PPP3CC: variants seen among roughly 807,000 people sequenced by gnomAD.
PPP3CC encodes protein phosphatase 3 catalytic subunit gamma, also known as serine/threonine-protein phosphatase 2B catalytic subunit gamma isoform.
A neutral mutation model predicts 60.3 loss-of-function variants in PPP3CC; 35 were observed. The ratio of observed to expected loss-of-function variants is 0.58; its 90% CI spans 0.44 to 0.77. The LOEUF (loss-of-function observed/expected upper bound fraction) is 0.77, where lower values mean the gene tolerates loss of function less well. PPP3CC is among the 30% of genes least tolerant of loss of function. PPP3CC has a pLI of 0.00. For missense variants in PPP3CC, 570 were observed against 628.9 expected (o/e 0.91, Z 1.00); for synonymous variants, 206 against 224.3 (o/e 0.92, Z 0.73).
At chr8:22,487,183 C>T (rs1399731454) in intron 3 of PPP3CC, among the ~76,000 whole-genome samples, 1 of 152,174 alleles carries the variant, frequency 6.6e-6, no homozygotes, top group East Asian at 1.9e-4. Flanking sequence ...TCTGTGATGG[C>T]ATTTCAGATA....
At chr8:22,460,614 G>A (rs1161878003) in intron 1 of PPP3CC, among the ~76,000 whole-genome samples, 13 of 151,582 alleles carry the variant, frequency 8.6e-5, no homozygotes, top group Non-Finnish European at 1.9e-4. Context: ...GAAGCCAGGA[G>A]TTTGAGACCA....
chr8:22,441,483 C>G lies in PPP3CC; in HGVS notation c.49+25C>G. On this transcript the variant is annotated intron_variant, in intron 1 of 13. Transcript: ENST00000240139. ...GGTGCCTGGCGGGCCGGGCCTTCCT[C>G]TGGGACCCGCGGGAAACGGCCTTCG... 4 of 1,520,800 alleles carry G rather than the reference C, an allele frequency of 2.6e-6. No individual in the cohort carries two copies. In the South Asian group the frequency reaches 3.7e-5, roughly 14 times the overall value. 94.2% of individuals were successfully genotyped at this position (1,520,800 alleles called of 1,614,324 possible).
chr8:22,511,171 G>A lies in PPP3CC; in HGVS notation c.570G>A (p.Gln190=). ...CLPLAALLNQ[Q]FLCVHGGMSP... The stretch of plus-strand genomic sequence containing the variant: ...CTCTTGCTGCCCTCTTAAACCAGCA[G>A]TTTCTCTGTGTACATGGAGGAATGT... Residue 190 remains glutamine (Q), a synonymous_variant, in exon 5 of 14, where the codon CAG becomes CAA. Coordinates refer to ENST00000240139, the MANE Select transcript of PPP3CC (RefSeq NM_005605.5). 1.9e-6 allele frequency: 3 copies of A among 1,613,772 alleles called. No homozygotes were observed. The highest frequency in any genetic ancestry group is 2.5e-6 in the Non-Finnish European group (3 of 1,179,656).
chr8:22,493,621 G>T (rs573479042), intron 3 of PPP3CC, among the ~76,000 whole-genome samples: 3 of 152,062 alleles, frequency 2.0e-5, no homozygotes, highest in South Asian at 2.1e-4. Context: ...GCCTACAGAG[G>T]GTCAGGATCA....
chr8:22,469,407 A>G (rs944091410), intron 1 of PPP3CC, among the ~76,000 whole-genome samples: 5 of 152,152 alleles, frequency 3.3e-5, no homozygotes, highest in African/African-American at 1.2e-4. Context: ...AGATAGGAGT[A>G]GATTCAATGT....
chr8:22,515,777 T>C (rs991140289), intron 6 of PPP3CC, among the ~76,000 whole-genome samples: 4 of 152,212 alleles, frequency 2.6e-5, no homozygotes, highest in African/African-American at 9.7e-5. Context: ...TTTTAAGAAA[T>C]GTCTATTCAG....
intron 6 of PPP3CC, among the ~76,000 whole-genome samples, chr8:22,515,641 G>A (rs1839223993): frequency 6.6e-6 from 1 of 152,106 alleles, no homozygotes. Flanking sequence ...GTCATTGCCT[G>A]TCTTTTGGAT....
Position 22,522,554 on chromosome 8 carries a change from A to C in PPP3CC, c.834A>C (p.Glu278Asp), listed in dbSNP as rs1839436419. ...NNLLSIIRAH[E>D]AQDAGYRMYR... Reference sequence around the variant, plus strand: ...TACTATCAATTATCAGAGCCCATGAAGCCCAAGATGCTGGGTAAGTTACAT... The same window carrying C: ...TACTATCAATTATCAGAGCCCATGACGCCCAAGATGCTGGGTAAGTTACAT... The change falls in exon 7 of 14, where the codon GAA becomes GAC. Residue 278 changes from glutamate to aspartate, a missense_variant. Transcript: ENST00000240139. The C allele has an allele frequency of 6.2e-7, 1 of 1,612,166 alleles. No individual in the cohort carries two copies. Among genetic ancestry groups the C allele is most frequent in the Admixed American group, 1.7e-5 (1 of 59,844 alleles).
At chr8:22,540,495 T>C in intron 13 of PPP3CC, 120 bp from the exon 14 acceptor site, 1 of 979,228 alleles carries the variant, frequency 1.0e-6, no homozygotes, top group Non-Finnish European at 1.5e-6. Flanking sequence ...AGACGTGTGC[T>C]CCATAGCCAC....
At chr8:22,456,426 A>AT (rs1194755464) in intron 1 of PPP3CC, among the ~76,000 whole-genome samples, 1 of 152,154 alleles carries the variant, frequency 6.6e-6, no homozygotes, top group Non-Finnish European at 1.5e-5. Context: ...TTTTATTTTG[A>AT]TAATTATAGA....
chr8:22,510,635 C>A (rs1194426226), intron 4 of PPP3CC, among the ~76,000 whole-genome samples: 2 of 152,202 alleles, frequency 1.3e-5, no homozygotes, highest in Non-Finnish European at 2.9e-5. Context: ...CTTGCCCCCT[C>A]CCATCTTCTC....
chr8:22,451,282 C>G (rs1465300868), intron 1 of PPP3CC, among the ~76,000 whole-genome samples: 1 of 152,050 alleles, frequency 6.6e-6, no homozygotes, highest in African/African-American at 2.4e-5. Flanking sequence ...ATTACAGGTG[C>G]ATGCCACCAC....
At chr8:22,449,079 C>G (rs572153901) in intron 1 of PPP3CC, among the ~76,000 whole-genome samples, 1 of 151,988 alleles carries the variant, frequency 6.6e-6, no homozygotes, top group South Asian at 2.1e-4. Context: ...CTACTGTGTT[C>G]CAGCTTGGGT....
rs1838143372 is a variant in PPP3CC at position 22,483,830 on chromosome 8, TA to T, written c.372+8207del. 2.0e-5 allele frequency among the ~76,000 whole-genome samples: 3 copies of T among 152,220 alleles called. No individual in the cohort carries two copies. In the South Asian group the frequency reaches 6.2e-4, roughly 32 times the overall value. Reference sequence around the variant, plus strand: ...TCAATAAAGGACACATTTTAATGCCTATCTTGTAATTAAAAAAAATTTTTTT... The same window carrying T: ...TCAATAAAGGACACATTTTAATGCCTTCTTGTAATTAAAAAAAATTTTTTT... On this transcript the variant is annotated intron_variant, in intron 3 of 13. Transcript: ENST00000240139.
intron 1 of PPP3CC, among the ~76,000 whole-genome samples, chr8:22,471,693 G>T (rs1242386478): frequency 1.3e-5 from 2 of 152,122 alleles, no homozygotes; most frequent in Non-Finnish European, 2.9e-5. Flanking sequence ...CATGAATGGG[G>T]CTTACAGGAC....
chr8:22,482,083 G>T (rs908306128), intron 3 of PPP3CC, among the ~76,000 whole-genome samples: 1 of 152,068 alleles, frequency 6.6e-6, no homozygotes, highest in Admixed American at 6.6e-5. Context: ...TGGTATTTCT[G>T]GTTCTAATCC....
chr8:22,455,562 A>G (rs1837171643), intron 1 of PPP3CC, among the ~76,000 whole-genome samples: 1 of 152,176 alleles, frequency 6.6e-6, no homozygotes, highest in Non-Finnish European at 1.5e-5. Context: ...AGTAATAAAG[A>G]TAGTTGGTGG....
chr8:22,505,246 C>T (rs1403615239), intron 4 of PPP3CC, among the ~76,000 whole-genome samples: 1 of 151,958 alleles, frequency 6.6e-6, no homozygotes, highest in Non-Finnish European at 1.5e-5. Flanking sequence ...AGGCTGGTCT[C>T]AAACTCCTGA....
chr8:22,468,253 G>A (rs1211622549), intron 1 of PPP3CC, among the ~76,000 whole-genome samples: 1 of 152,034 alleles, frequency 6.6e-6, no homozygotes, highest in East Asian at 1.9e-4. Context: ...ACAGGCGCCC[G>A]CTACCACGCC....
Sources: allele counts gnomAD v4.1 joint callset (sites outside exome capture counted in the v4.1 genomes callset), GRCh38; gene constraint gnomAD v4.1.1; transcripts MANE v1.5; gene names NCBI Gene and HGNC (gene_info 2026-07-23, HGNC 2026-07-21).